The following C10orf90 variants were observed in gnomAD, a reference collection of about 807,000 sequenced individuals.
C10orf90 encodes the protein (E2-independent) E3 ubiquitin-conjugating enzyme FATS.
Under a neutral mutation model 62.5 loss-of-function variants are expected in C10orf90, and 56 were observed. That is an observed-to-expected ratio of 0.90 (90% CI 0.72 to 1.12). C10orf90 has a LOEUF of 1.12. Among genes scored for constraint, C10orf90 ranks in the 50% most tolerant of loss-of-function variants. The probability of loss-of-function intolerance (pLI) is 0.00; values close to 1 mark genes in which losing one functional copy is unlikely to be tolerated. For synonymous variants in C10orf90, 386 were observed against 340.4 expected (o/e 1.13, Z -1.47); for missense variants, 970 against 880.4 (o/e 1.10, Z -1.29).
At chr10:126,647,500 G>A (rs1340801687) in intron 1 of C10orf90, among the ~76,000 whole-genome samples, 1 of 152,354 alleles carries the variant, frequency 6.6e-6, no homozygotes, top group East Asian at 1.9e-4. Context: ...CTCTGGGGTT[G>A]CAGAGGGGAA....
intron 7 of C10orf90, among the ~76,000 whole-genome samples, chr10:126,446,005 G>A (rs1264262108): frequency 6.6e-6 from 1 of 151,744 alleles, no homozygotes. Context: ...GGTCTCAGGG[G>A]GAAGAATGGG....
chr10:126,610,684 A>G (rs1474066183), intron 2 of C10orf90, among the ~76,000 whole-genome samples: 1 of 152,244 alleles, frequency 6.6e-6, no homozygotes, highest in Non-Finnish European at 1.5e-5. Context: ...TTCTCTCCAC[A>G]TATTAAATCA....
At chr10:126,623,816 G>A (rs1215835851) in intron 2 of C10orf90, among the ~76,000 whole-genome samples, 2 of 143,570 alleles carry the variant, frequency 1.4e-5, no homozygotes, top group South Asian at 4.7e-4. Flanking sequence ...ATTCCAGCCT[G>A]GGTGACAGAG....
intron 3 of C10orf90, among the ~76,000 whole-genome samples, chr10:126,512,409 T>A (rs1863184627): frequency 7.9e-6 from 1 of 125,826 alleles, no homozygotes. Flanking sequence ...TGTGTCTGTG[T>A]GTCTGTGTGT....
At chr10:126,613,799 GA>G (rs1323293570) in intron 2 of C10orf90, among the ~76,000 whole-genome samples, 13 of 152,158 alleles carry the variant, frequency 8.5e-5, no homozygotes, top group African/African-American at 2.7e-4. Context: ...CTTCCCTCTG[GA>G]TTTGAGCCTC....
At chr10:126,526,805 T>C (rs146676836) in intron 2 of C10orf90, among the ~76,000 whole-genome samples, 1 of 152,174 alleles carries the variant, frequency 6.6e-6, no homozygotes, top group East Asian at 1.9e-4. Flanking sequence ...ATCCTATAAA[T>C]TGAATCATAT....
At chr10:126,645,417 C>T (rs1374110860) in intron 2 of C10orf90, among the ~76,000 whole-genome samples, 1 of 150,176 alleles carries the variant, frequency 6.7e-6, no homozygotes, top group Non-Finnish European at 1.5e-5. Flanking sequence ...AACAAACAAA[C>T]AAACAAACAA....
intron 2 of C10orf90, among the ~76,000 whole-genome samples, chr10:126,542,421 TG>T (rs1864396373): frequency 6.6e-6 from 1 of 152,094 alleles, no homozygotes; most frequent in Non-Finnish European, 1.5e-5. Context: ...GAGAATTGCT[TG>T]AACTCGGGAG....
intron 1 of C10orf90, among the ~76,000 whole-genome samples, chr10:126,654,162 C>G (rs1251285706): frequency 1.3e-5 from 2 of 152,128 alleles, no homozygotes; most frequent in African/African-American, 2.4e-5. Flanking sequence ...CTTAAGTTAC[C>G]TGCTTCATTA....
chr10:126,525,667 C>T (rs992687595), intron 2 of C10orf90, among the ~76,000 whole-genome samples: 2 of 152,132 alleles, frequency 1.3e-5, no homozygotes, highest in African/African-American at 4.8e-5. Flanking sequence ...GAGAGCCTAG[C>T]ATCAAAGGAA....
At chr10:126,460,734 C>T (rs1859918815) in intron 6 of C10orf90, among the ~76,000 whole-genome samples, 1 of 152,112 alleles carries the variant, frequency 6.6e-6, no homozygotes, top group Non-Finnish European at 1.5e-5. Flanking sequence ...CCCCTGGGTA[C>T]AGGAGCCAGC....
At chr10:126,614,651 T>C (rs1265990251) in intron 2 of C10orf90, among the ~76,000 whole-genome samples, 2 of 152,158 alleles carry the variant, frequency 1.3e-5, no homozygotes, top group South Asian at 2.1e-4. Flanking sequence ...ATTTCTGCTA[T>C]GCTTAGCTCA....
chr10:126,560,259 G>A (rs1356789296), intron 2 of C10orf90, among the ~76,000 whole-genome samples: 1 of 152,166 alleles, frequency 6.6e-6, no homozygotes, highest in African/African-American at 2.4e-5. Context: ...ACACACCAGT[G>A]ATCCGAGTCT....
At chr10:126,519,586 G>T (rs1052157965) in intron 2 of C10orf90, among the ~76,000 whole-genome samples, 1 of 152,076 alleles carries the variant, frequency 6.6e-6, no homozygotes, top group Non-Finnish European at 1.5e-5. Flanking sequence ...GGAAGTCAAG[G>T]TTTATTCTGA....
chr10:126,591,870 G>A (rs1021187513), intron 2 of C10orf90, among the ~76,000 whole-genome samples: 1 of 152,088 alleles, frequency 6.6e-6, no homozygotes, highest in East Asian at 1.9e-4. Flanking sequence ...CAAAATAAAT[G>A]TGCAAAAACC....
chr10:126,653,402 G>A (rs1189096206), intron 1 of C10orf90, among the ~76,000 whole-genome samples: 1 of 152,196 alleles, frequency 6.6e-6, no homozygotes, highest in Non-Finnish European at 1.5e-5. Context: ...TTTCAACAAT[G>A]TCCACAGAAT....
chr10:126,630,550 G>A (rs188719449), intron 2 of C10orf90, among the ~76,000 whole-genome samples: 82 of 152,248 alleles, frequency 5.4e-4, no homozygotes, highest in Non-Finnish European at 1.0e-3. Context: ...AGCCAAGTCC[G>A]TCTGATAGAC....
chr10:126,660,848 T>A (rs1470772519), intron 1 of C10orf90, among the ~76,000 whole-genome samples: 1 of 152,344 alleles, frequency 6.6e-6, no homozygotes, highest in African/African-American at 2.4e-5. Flanking sequence ...CAGTCATAAG[T>A]ACAGCAGCTA....
At chr10:126,488,729 T>G (rs1441786892) in intron 4 of C10orf90, among the ~76,000 whole-genome samples, 2 of 152,122 alleles carry the variant, frequency 1.3e-5, no homozygotes, top group African/African-American at 4.8e-5. Flanking sequence ...GCCAATAATT[T>G]AAATAACTTT....
Sources: gnomAD v4.1 joint callset for allele counts (sites outside exome capture counted in the v4.1 genomes callset) on GRCh38, gnomAD v4.1.1 for gene constraint, MANE v1.5 for transcripts, NCBI Gene and HGNC (gene_info 2026-07-23, HGNC 2026-07-21) for gene names.